UGT1A8: variants seen among roughly 807,000 people sequenced by gnomAD.
UGT1A8 encodes the protein UDP-glucuronosyltransferase 1A8.
In UGT1A8, 39 loss-of-function variants were observed where a neutral mutation model predicts 45.3. The observed-to-expected ratio is 0.86, with a 90% CI of 0.67 to 1.12. The LOEUF is 1.12. Among genes scored for constraint, UGT1A8 ranks in the 50% most tolerant of loss-of-function variants. The pLI is 0.00. For missense variants in UGT1A8, 719 were observed against 664.9 expected (o/e 1.08, Z -0.90); for synonymous variants, 275 against 249.2 (o/e 1.10, Z -0.97).
rs760844779 is a variant in UGT1A8 at position 233,772,567 on chromosome 2, G to A, written c.*8G>A. On this transcript the variant is annotated 3_prime_UTR_variant, in exon 5 of 5. Transcript: ENST00000373450. ...AAATCCAAGACCCATTGAGAAGTGG[G>A]TGGGAAATAAGGTAAAATTTTGAAC... 6.2e-7 allele frequency: 1 copy of A among 1,612,906 alleles called. No individual in the cohort carries two copies.
intron 1 of UGT1A8, among the ~76,000 whole-genome samples, chr2:233,699,339 T>TA (rs1207197999): frequency 6.6e-6 from 1 of 152,220 alleles, no homozygotes; most frequent in African/African-American, 2.4e-5. Flanking sequence ...TCATCCACCC[T>TA]AGGGCTAACC....
At position 233,682,005 on chromosome 2, in the gene UGT1A8, C is replaced by A. The variant is rs2074549524; in HGVS notation, c.855+63443C>A. The A allele has an allele frequency of 5.0e-6, 8 of 1,613,988 alleles. No homozygotes were observed. Among genetic ancestry groups the A allele is most frequent in the Non-Finnish European group, 6.8e-6 (8 of 1,180,012 alleles). ...TGTCTACTGCTGACCTGTGGCTTTG[C>A]CAAGGCAGGGAAGCTGCTGGTAGTG... On this transcript the variant is annotated intron_variant, in intron 1 of 4. Transcript: ENST00000373450.
chr2:233,621,230 ATG>A (rs1288504036), intron 1 of UGT1A8, among the ~76,000 whole-genome samples: 1 of 152,150 alleles, frequency 6.6e-6, no homozygotes, highest in African/African-American at 2.4e-5. Context: ...CAGTATTCCA[ATG>A]TGTGTGTGTT....
chr2:233,705,860 G>A (rs2075875897), intron 1 of UGT1A8, among the ~76,000 whole-genome samples: 1 of 152,168 alleles, frequency 6.6e-6, no homozygotes, highest in Non-Finnish European at 1.5e-5. Flanking sequence ...AGCTGAGGCA[G>A]GCAGATCACT....
chr2:233,651,297 A>T (rs1454054886), intron 1 of UGT1A8, among the ~76,000 whole-genome samples: 2 of 152,186 alleles, frequency 1.3e-5, no homozygotes, highest in Non-Finnish European at 2.9e-5. Flanking sequence ...TCACAGGGTC[A>T]CCCAGAGGGC....
chr2:233,670,934 C>T (rs542590080), intron 1 of UGT1A8, among the ~76,000 whole-genome samples: 2 of 152,164 alleles, frequency 1.3e-5, no homozygotes, highest in Non-Finnish European at 2.9e-5. Context: ...AAAAAACTGG[C>T]AGTGGGTATT....
In UGT1A8 at chr2:233,767,858, C is replaced by T. The variant is rs139607673; in HGVS notation, c.997C>T (p.Arg333Trp). 6.2e-6 allele frequency: 10 copies of T among 1,614,002 alleles called. No homozygotes were observed. Among genetic ancestry groups the T allele is most frequent in the Admixed American group, 3.3e-5 (2 of 59,992 alleles). ...TTTTTGCCCCTCCCAGGTCCTGTGG[C>T]GGTACACTGGAACCCGACCATCGAA... ...LGKIPQTVLWRYTGTRPSNLA... is the reference protein window; with the variant it reads ...LGKIPQTVLWWYTGTRPSNLA... The change falls in exon 3 of 5, where the codon CGG (arginine) becomes TGG (tryptophan). Residue 333 changes from arginine to tryptophan, a missense_variant. Transcript: ENST00000373450.
At chr2:233,642,625 T>A (rs548841609) in intron 1 of UGT1A8, among the ~76,000 whole-genome samples, 2 of 152,306 alleles carry the variant, frequency 1.3e-5, no homozygotes, top group South Asian at 2.1e-4. Context: ...TTTATTGTAG[T>A]CTTCATTGTC....
intron 1 of UGT1A8, chr2:233,747,527 T>C: frequency 6.2e-7 from 1 of 1,605,936 alleles, no homozygotes; most frequent in Non-Finnish European, 8.5e-7. Flanking sequence ...AAACAGAACA[T>C]TTTCTGAAGA....
At chr2:233,669,483 GT>G (rs2074138434) in intron 1 of UGT1A8, among the ~76,000 whole-genome samples, 1 of 152,036 alleles carries the variant, frequency 6.6e-6, no homozygotes, top group Admixed American at 6.5e-5. Context: ...CCAATGTTTT[GT>G]TGTTTTCAGT....
rs545296603 is a variant in UGT1A8, at chr2:233,723,272, C to T, written c.856-43762C>T. On this transcript the variant is annotated intron_variant, in intron 1 of 4. Transcript: ENST00000373450. Reference sequence around the variant, plus strand: ...TCACCCAGGCTGGAGTGCAATGGCACGATGTTGGCTCACTGCAACCTCTGC... The same window carrying T: ...TCACCCAGGCTGGAGTGCAATGGCATGATGTTGGCTCACTGCAACCTCTGC... 7.1e-5 allele frequency among the ~76,000 whole-genome samples: 8 copies of T among 111,932 alleles called. 2 individuals carry two copies. In the East Asian group the frequency reaches 1.2e-3, roughly 16 times the overall value. The allele number at this position is 111,932 out of a possible 152,430, so 73.4% of individuals were successfully genotyped here.
intron 1 of UGT1A8, among the ~76,000 whole-genome samples, chr2:233,721,233 T>C (rs911538270): frequency 5.3e-5 from 8 of 152,262 alleles, no homozygotes; most frequent in African/African-American, 1.9e-4. Context: ...ATGTAGTTAC[T>C]GAATTGTAAA....
chr2:233,769,450 T>C lies in UGT1A8; in HGVS notation c.1295+1011T>C, dbSNP rs1280911013. 7 of 1,587,838 alleles carry C rather than the reference T, an allele frequency of 4.4e-6. No individual in the cohort carries two copies. The East Asian group carries it at 1.6e-4, about 36-fold the overall frequency. On this transcript the variant is annotated intron_variant, in intron 4 of 4. Transcript: ENST00000373450. The surrounding 1 kb of genome is among the most constrained non-coding windows in gnomAD (Gnocchi z 4.4). ...CTGTGCTCATGTGTGGGTGCACACG[T>C]GTGCATTCATATGCGTGTGTGTGTG...
At chr2:233,713,401 T>C in intron 1 of UGT1A8, 1 of 1,614,206 alleles carries the variant, frequency 6.2e-7, no homozygotes, top group Non-Finnish European at 8.5e-7. Context: ...AATGAGGCCC[T>C]GATCAGGCAC....
chr2:233,671,641 T>C (rs2074195175), intron 1 of UGT1A8, among the ~76,000 whole-genome samples: 2 of 152,226 alleles, frequency 1.3e-5, no homozygotes, highest in Admixed American at 6.5e-5. Flanking sequence ...TCCAAAAGCA[T>C]TGGTTAATAA....
intron 1 of UGT1A8, among the ~76,000 whole-genome samples, chr2:233,636,210 C>T (rs2073286113): frequency 6.6e-6 from 1 of 150,788 alleles, no homozygotes; most frequent in Non-Finnish European, 1.5e-5. Flanking sequence ...CTTTATCTTT[C>T]CGAATCTTCA....
At chr2:233,708,902 GTTAGGTA>G (rs1432720061) in intron 1 of UGT1A8, among the ~76,000 whole-genome samples, 1 of 152,038 alleles carries the variant, frequency 6.6e-6, no homozygotes, top group Non-Finnish European at 1.5e-5. Flanking sequence ...GGGCTATCTG[GTTAGGTA>G]TTGCTTGCTA....
At chr2:233,632,011 A>G (rs911814892) in intron 1 of UGT1A8, among the ~76,000 whole-genome samples, 2 of 152,104 alleles carry the variant, frequency 1.3e-5, no homozygotes, top group African/African-American at 2.4e-5. Context: ...TAATTTTTGT[A>G]TAAGGTGTAA....
chr2:233,679,840 A>G (rs1360077561), intron 1 of UGT1A8, among the ~76,000 whole-genome samples: 2 of 152,132 alleles, frequency 1.3e-5, no homozygotes, highest in Non-Finnish European at 2.9e-5. Context: ...ATTTTTCTCA[A>G]ATCACATTGG....
Sources: gnomAD v4.1 joint callset for allele counts (sites outside exome capture counted in the v4.1 genomes callset) on GRCh38, gnomAD v4.1.1 for gene constraint, Gnocchi (gnomAD v3.1) non-coding constraint, MANE v1.5 for transcripts, NCBI Gene and HGNC (gene_info 2026-07-23, HGNC 2026-07-21) for gene names.